FAM118A: variants seen among roughly 807,000 people sequenced by gnomAD.
FAM118A encodes the protein protein FAM118A.
Under a neutral mutation model 38.2 loss-of-function variants are expected in FAM118A, and 25 were observed. The ratio of observed to expected loss-of-function variants is 0.65; its 90% CI spans 0.48 to 0.91. The LOEUF (loss-of-function observed/expected upper bound fraction) is 0.91. Ranked by LOEUF, FAM118A falls within the 40% of genes least tolerant of loss-of-function variation. The pLI is 0.00. For synonymous variants in FAM118A, 178 were observed against 184.1 expected (o/e 0.97, Z 0.27); for missense variants, 425 against 463.3 (o/e 0.92, Z 0.76).
At chr22:45,332,366 G>C in intron 5 of FAM118A, 59 bp from the exon 6 acceptor site, 1 of 1,551,782 alleles carries the variant, frequency 6.4e-7, no homozygotes, top group Middle Eastern at 2.4e-4. Flanking sequence ...GACTTGGTTA[G>C]TTGTAAGCTC....
intron 6 of FAM118A, among the ~76,000 whole-genome samples, chr22:45,333,801 A>G (rs1290070735): frequency 1.3e-5 from 2 of 152,076 alleles, no homozygotes; most frequent in Non-Finnish European, 2.9e-5. Context: ...TGATCAGGCC[A>G]CTTATTCCAG....
At chr22:45,316,103 G>C (rs965377543) in intron 1 of FAM118A, among the ~76,000 whole-genome samples, 1 of 152,076 alleles carries the variant, frequency 6.6e-6, no homozygotes, top group African/African-American at 2.4e-5. Flanking sequence ...GCAGTGGCAC[G>C]ATCTCGGCTC....
At chr22:45,339,779 TG>T (rs1267530947) in intron 8 of FAM118A, among the ~76,000 whole-genome samples, 2 of 152,224 alleles carry the variant, frequency 1.3e-5, no homozygotes, top group African/African-American at 2.4e-5. Context: ...TGTCCCCCCG[TG>T]GCCTACCTCT....
chr22:45,309,208 C>A (rs563359155), upstream of FAM118A: 3 of 152,336 alleles, frequency 2.0e-5, no homozygotes, highest in Admixed American at 2.0e-4. Flanking sequence ...AGGAGAAATT[C>A]TCAGCCTCGG....
At position 45,314,443 on chromosome 22, in the gene FAM118A, CA is replaced by C. The variant is rs566953913; in HGVS notation, c.-10+4261del. On this transcript the variant is annotated intron_variant, in intron 1 of 8. Coordinates refer to ENST00000441876, the MANE Select transcript of FAM118A (RefSeq NM_017911.4). ...TTAAAGTGTTGGGGTCACAGTGGAC[CA>C]GACAATGCCCAGGCCGGTGGGAAGG... 1.9e-3 allele frequency among the ~76,000 whole-genome samples: 291 copies of C among 152,308 alleles called. 1 individual carries two copies. Among genetic ancestry groups the C allele is most frequent in the African/African-American group, 6.5e-3 (272 of 41,554 alleles).
At position 45,330,608 on chromosome 22, in the gene FAM118A, T is replaced by C. The variant is rs1166549772; in HGVS notation, c.528T>C (p.Leu176=). 1 of 1,556,608 alleles carries C rather than the reference T, an allele frequency of 6.4e-7. No individual in the cohort carries two copies. Among genetic ancestry groups the C allele is most frequent in the Middle Eastern group, 1.7e-4 (1 of 5,776 alleles). The change falls in exon 5 of 9, where the codon CTT becomes CTC. Residue 176 remains leucine (L), a synonymous_variant. Transcript: ENST00000441876. ...CTTGGCTTGATGTTTGGTAGGTCCT[T>C]GAATGGGCAAGAGGGCACATGAAGT... ...SLDLKDKTKV[L]EWARGHMKYG...
At chr22:45,311,734 C>A (rs149053754) in intron 1 of FAM118A, among the ~76,000 whole-genome samples, 29 of 151,936 alleles carry the variant, frequency 1.9e-4, no homozygotes, top group African/African-American at 6.8e-4. Context: ...TTGGAGGAAG[C>A]AAGACCCTAT....
Position 45,317,063 on chromosome 22 carries a change from G to A in FAM118A, c.-9-5308G>A, listed in dbSNP as rs115023573. On this transcript the variant is annotated intron_variant, in intron 1 of 8. Transcript: ENST00000441876. ...CTTTTTGAAACTGCTCAAAGCCCAT[G>A]TGATCATCTATTTATAGAAAGAAAT... Among the ~76,000 whole-genome samples, 439 of 152,300 alleles carry A rather than the reference G, an allele frequency of 2.9e-3. 2 individuals are homozygous for A. Among genetic ancestry groups the A allele is most frequent in the African/African-American group, 0.01 (423 of 41,568 alleles).
intron 1 of FAM118A, chr22:45,321,805 C>A (rs563197804): frequency 6.4e-6 from 1 of 156,910 alleles, no homozygotes; most frequent in East Asian, 1.9e-4. Context: ...TAAGAATTGG[C>A]TTTTTACTTG....
intron 4 of FAM118A, chr22:45,329,889 G>C (rs1341452007): frequency 6.6e-6 from 1 of 152,268 alleles, no homozygotes; most frequent in Non-Finnish European, 1.5e-5. Flanking sequence ...TGCGGGCTCC[G>C]GGGTGAAGAT....
Position 45,332,715 on chromosome 22 carries a change from G to A in FAM118A, c.937+5G>A, listed in dbSNP as rs73169241. 24,662 of 1,567,878 alleles carry A rather than the reference G, an allele frequency of 0.016. 320 individuals carry two copies. Among genetic ancestry groups the A allele is most frequent in the Non-Finnish European group, 0.018 (20,585 of 1,159,792 alleles). ...TCTGCAAACAGCAAAGCCCAGGTAT[G>A]GGATCTGGCTTCACTTTCCTTTTTC... is the stretch of plus-strand genomic sequence containing the variant. On this transcript the variant is annotated splice_donor_5th_base_variant and intron_variant, in intron 6 of 8. Transcript: ENST00000441876.
intron 1 of FAM118A, chr22:45,321,551 G>A (rs1042479513): frequency 6.6e-6 from 1 of 152,126 alleles, no homozygotes; most frequent in African/African-American, 2.4e-5. Context: ...CTAGTAGATG[G>A]GACTACAGGC....
At chr22:45,334,541 G>C (rs907718379) in intron 6 of FAM118A, among the ~76,000 whole-genome samples, 1 of 152,154 alleles carries the variant, frequency 6.6e-6, no homozygotes, top group Non-Finnish European at 1.5e-5. Context: ...TTCTTATTAA[G>C]GGCAGAAGAA....
chr22:45,338,503 A>G (rs2086255454), intron 8 of FAM118A, among the ~76,000 whole-genome samples: 1 of 152,224 alleles, frequency 6.6e-6, no homozygotes, highest in Admixed American at 6.5e-5. Context: ...CTGGGATTAT[A>G]GGCGTGAGCC....
intron 1 of FAM118A, among the ~76,000 whole-genome samples, chr22:45,319,943 C>T (rs1029205004): frequency 6.6e-6 from 1 of 152,096 alleles, no homozygotes; most frequent in Non-Finnish European, 1.5e-5. Context: ...AGGTCGCAGA[C>T]ATGTTTGGGA....
intron 1 of FAM118A, among the ~76,000 whole-genome samples, chr22:45,313,091 C>T (rs1205488773): frequency 6.6e-6 from 1 of 152,108 alleles, no homozygotes; most frequent in Non-Finnish European, 1.5e-5. Flanking sequence ...TCAATCAGCT[C>T]ATTAGCATAC....
At chr22:45,325,306 T>G (rs968341851) in intron 3 of FAM118A, among the ~76,000 whole-genome samples, 4 of 152,152 alleles carry the variant, frequency 2.6e-5, no homozygotes, top group Non-Finnish European at 4.4e-5. Flanking sequence ...AGCGTTGAGG[T>G]GAGGCTGTCG....
intron 3 of FAM118A, among the ~76,000 whole-genome samples, chr22:45,325,992 G>A (rs1188972699): frequency 6.6e-6 from 1 of 152,112 alleles, no homozygotes; most frequent in African/African-American, 2.4e-5. Flanking sequence ...TGGGTGGTGG[G>A]AGAGTCAGAA....
At position 45,340,650 on chromosome 22, in the gene FAM118A, C is replaced by A; in HGVS notation, c.*245C>A. 1.8e-6 allele frequency: 1 copy of A among 547,036 alleles called. No homozygotes were observed. Among genetic ancestry groups the A allele is most frequent in the East Asian group, 2.9e-5 (1 of 34,628 alleles). 33.9% of individuals were successfully genotyped at this position (547,036 alleles called of 1,614,324 possible). On this transcript the variant is annotated 3_prime_UTR_variant, in exon 9 of 9. Transcript: ENST00000441876. ...CTTTGCAAGGACTGATGGATAGCTA[C>A]CTCAGGGACCAGAATCCGTGGGAAG...
Sources: allele counts gnomAD v4.1 joint callset (sites outside exome capture counted in the v4.1 genomes callset), GRCh38; gene constraint gnomAD v4.1.1; transcripts MANE v1.5; gene names NCBI Gene and HGNC (gene_info 2026-07-23, HGNC 2026-07-21).